F13A1: variants seen among roughly 807,000 people sequenced by gnomAD.
The protein encoded by F13A1 is FSF, A subunit.
Under a neutral mutation model 80.1 loss-of-function variants are expected in F13A1, and 47 were observed. The observed-to-expected ratio is 0.59, with a 90% CI of 0.46 to 0.75. The LOEUF is 0.75. Ranked by LOEUF, F13A1 falls within the 30% of genes least tolerant of loss-of-function variation. The probability of loss-of-function intolerance (pLI) is 0.00; values close to 1 mark genes in which losing one functional copy is unlikely to be tolerated. For missense variants in F13A1, 817 were observed against 930.4 expected (o/e 0.88, Z 1.59); for synonymous variants, 349 against 344.9 (o/e 1.01, Z -0.13).
rs1167668916 is a variant in F13A1 at position 6,178,054 on chromosome 6, G to T, written c.1460-3187C>A. On this transcript the variant is annotated intron_variant, in intron 11 of 14. Transcript: ENST00000264870. ...GGAGGCCACAGGGAGAGGGGGGGGG[G>T]GGTGGGGCTTTTAAGCAGTGCTGGG... Among the ~76,000 whole-genome samples, 42 of 115,958 alleles carry T rather than the reference G, an allele frequency of 3.6e-4. 1 individual carries two copies. Among genetic ancestry groups the T allele is most frequent in the East Asian group, 3.4e-3 (11 of 3,250 alleles). 76.1% of individuals were successfully genotyped at this position (115,958 alleles called of 152,430 possible). A position where few individuals can be genotyped will look rare whatever the true frequency, so the allele number is the denominator to read the frequency against.
chr6:6,287,716 G>A (rs1758158681), intron 3 of F13A1, among the ~76,000 whole-genome samples: 1 of 152,210 alleles, frequency 6.6e-6, no homozygotes, highest in Non-Finnish European at 1.5e-5. Context: ...ACATGGTAAG[G>A]TCTCTGGCAC....
intron 3 of F13A1, among the ~76,000 whole-genome samples, chr6:6,273,121 C>A (rs1260861787): frequency 6.6e-6 from 1 of 152,196 alleles, no homozygotes; most frequent in Non-Finnish European, 1.5e-5. Flanking sequence ...CTCTTGGGGT[C>A]TGCATCGAGA....
chr6:6,238,715 C>CATATATATATATATATATATGTATAT (rs4053228), intron 6 of F13A1, among the ~76,000 whole-genome samples: 4 of 145,988 alleles, frequency 2.7e-5, no homozygotes, highest in Admixed American at 6.8e-5. Flanking sequence ...AAACATGCTG[C>CATATATATATATATATATATGTATAT]ATATATATAT....
chr6:6,309,963 G>A (rs1170574252), intron 2 of F13A1, among the ~76,000 whole-genome samples: 1 of 152,282 alleles, frequency 6.6e-6, no homozygotes, highest in African/African-American at 2.4e-5. Flanking sequence ...AAGTAAGGCT[G>A]GAGACGGAGA....
In F13A1 at chr6:6,151,968, G is replaced by C. The variant is rs142006808; in HGVS notation, c.1909-19C>G. ...CACGGACCTAAGAGAGAGAATGCAG[G>C]TCATTAGCACCAAATAAAACCTCGT... On this transcript the variant is annotated intron_variant, in intron 13 of 14. Coordinates refer to ENST00000264870, the MANE Select transcript of F13A1 (RefSeq NM_000129.4). 2 of 1,613,704 alleles carry C rather than the reference G, an allele frequency of 1.2e-6. No homozygotes were observed. The highest frequency in any genetic ancestry group is 2.7e-5 in the African/African-American group (2 of 75,010).
chr6:6,248,263 G>A (rs1298066654), intron 6 of F13A1, 49 bp downstream of exon 6: 1 of 1,437,728 alleles, frequency 7.0e-7, no homozygotes, highest in Non-Finnish European at 9.8e-7. Flanking sequence ...TATATACTGA[G>A]GCAAATGACA....
intron 3 of F13A1, among the ~76,000 whole-genome samples, chr6:6,280,850 C>T (rs955088194): frequency 2.0e-5 from 3 of 152,130 alleles, no homozygotes; most frequent in Non-Finnish European, 2.9e-5. Context: ...TATTGCCTTC[C>T]GTAAATAACA....
rs900772188 is a variant in F13A1 at position 6,222,158 on chromosome 6, A to G, written c.987T>C (p.Leu329=). The part of the protein sequence containing the change: ...AGVFNTFLRC[L]GIPARIVTNY... ...TGGTAACAATTCTTGCTGGTATTCCAAGGCATCGTAAAACTACAGGAAAGG... is the reference window on the plus strand; with the variant it reads ...TGGTAACAATTCTTGCTGGTATTCCGAGGCATCGTAAAACTACAGGAAAGG... The change falls in exon 8 of 15, where the codon CTT becomes CTC. Residue 329 remains leucine, a synonymous_variant. Transcript: ENST00000264870. The G allele has an allele frequency of 2.5e-6, 4 of 1,613,924 alleles. No individual in the cohort carries two copies. Among genetic ancestry groups the G allele is most frequent in the Non-Finnish European group, 3.4e-6 (4 of 1,179,918 alleles).
chr6:6,242,713 T>C (rs1742924), intron 6 of F13A1, among the ~76,000 whole-genome samples: 81,973 of 151,958 alleles, frequency 0.54, 23,946 homozygotes, highest in African/African-American at 0.78. Context: ...CAAATAACCC[T>C]CTACTACATT....
At chr6:6,233,465 C>T (rs899346696) in intron 6 of F13A1, among the ~76,000 whole-genome samples, 2 of 151,956 alleles carry the variant, frequency 1.3e-5, no homozygotes, top group Non-Finnish European at 2.9e-5. Context: ...AAAAACTTAT[C>T]AACAAAAAAA....
chr6:6,316,879 G>T (rs1758693578), intron 2 of F13A1, among the ~76,000 whole-genome samples: 1 of 152,238 alleles, frequency 6.6e-6, no homozygotes, highest in Non-Finnish European at 1.5e-5. Context: ...GAGTGAGCAA[G>T]AAGTGGCAGA....
At chr6:6,150,004 T>C (rs947573111) in intron 14 of F13A1, among the ~76,000 whole-genome samples, 1 of 152,002 alleles carries the variant, frequency 6.6e-6, no homozygotes, top group Non-Finnish European at 1.5e-5. Context: ...GTCATTGCAC[T>C]GTGTAATAAT....
At chr6:6,220,251 G>C (rs1489323487) in intron 8 of F13A1, among the ~76,000 whole-genome samples, 1 of 152,178 alleles carries the variant, frequency 6.6e-6, no homozygotes, top group African/African-American at 2.4e-5. Context: ...TGCAGTGGAG[G>C]GTGGGTGAGG....
intron 4 of F13A1, among the ~76,000 whole-genome samples, chr6:6,258,681 CATA>C (rs1252338352): frequency 1.1e-4 from 16 of 152,138 alleles, no homozygotes; most frequent in South Asian, 2.1e-4. Flanking sequence ...GCATAAAAAG[CATA>C]ATAAGTCTCT....
chr6:6,269,439 A>G (rs1417157931), intron 3 of F13A1, among the ~76,000 whole-genome samples: 1 of 152,180 alleles, frequency 6.6e-6, no homozygotes, highest in African/African-American at 2.4e-5. Flanking sequence ...ATTCATCCCA[A>G]ACTAAAAAAC....
chr6:6,276,691 C>T (rs569313949), intron 3 of F13A1, among the ~76,000 whole-genome samples: 1 of 152,222 alleles, frequency 6.6e-6, no homozygotes, highest in East Asian at 1.9e-4. Context: ...ACTGGGGAGG[C>T]TAATGAACCC....
At chr6:6,297,498 T>C (rs1475698535) in intron 3 of F13A1, among the ~76,000 whole-genome samples, 1 of 151,190 alleles carries the variant, frequency 6.6e-6, no homozygotes, top group African/African-American at 2.5e-5. Flanking sequence ...GTCCAGAAAT[T>C]TATCCATTTC....
At chr6:6,192,640 A>G (rs1047597563) in intron 10 of F13A1, among the ~76,000 whole-genome samples, 2 of 152,208 alleles carry the variant, frequency 1.3e-5, no homozygotes, top group Admixed American at 1.3e-4. Context: ...AGAATGAATA[A>G]TCTACAGGAA....
intron 3 of F13A1, among the ~76,000 whole-genome samples, chr6:6,284,771 A>T (rs750043856): frequency 5.9e-5 from 9 of 152,310 alleles, no homozygotes; most frequent in Middle Eastern, 3.4e-3. Flanking sequence ...TGGAGGGTAC[A>T]TACTTCGTAG....
Sources: allele counts gnomAD v4.1 joint callset (sites outside exome capture counted in the v4.1 genomes callset), GRCh38; gene constraint gnomAD v4.1.1; transcripts MANE v1.5; gene names NCBI Gene and HGNC (gene_info 2026-07-23, HGNC 2026-07-21).